DMD: variants seen among roughly 807,000 people sequenced by gnomAD.
DMD encodes the protein dystrophin.
DMD carries 63 observed loss-of-function variants against 330.1 expected under a neutral mutation model. The observed-to-expected ratio is 0.19, with a 90% CI of 0.16 to 0.24. DMD has a LOEUF of 0.24. Among genes scored for constraint, DMD ranks in the 10% least tolerant of loss-of-function variants. The pLI, the probability that DMD is intolerant of heterozygous loss-of-function variation, is 1.00. For missense variants in DMD, 3,344 were observed against 2,684.1 expected (o/e 1.25, Z -5.43); for synonymous variants, 1,223 against 959.8 (o/e 1.27, Z -5.07).
intron 7 of DMD, among the ~76,000 whole-genome samples, chrX:32,706,977 A>G (rs1569476608): frequency 9.1e-6 from 1 of 110,496 alleles, no homozygotes; most frequent in Non-Finnish European, 1.9e-5. Flanking sequence ...CTGTAATCCC[A>G]CCTACTCGGG....
At chrX:32,466,145 A>G (rs952257616) in intron 23 of DMD, among the ~76,000 whole-genome samples, 1 of 111,544 alleles carries the variant, frequency 9.0e-6, no homozygotes, top group Admixed American at 9.6e-5. Flanking sequence ...TGTAAAACAT[A>G]GCATCCAAGG....
intron 44 of DMD, among the ~76,000 whole-genome samples, chrX:32,028,010 AG>A (rs1483214585): frequency 1.8e-5 from 2 of 112,357 alleles, no homozygotes; most frequent in Admixed American, 9.4e-5. Context: ...AATAAATTGA[AG>A]GAGCAAGAAG....
chrX:32,085,615 T>TTTCTCTAGAAA (rs1569541138), intron 44 of DMD, among the ~76,000 whole-genome samples: 6 of 91,547 alleles, frequency 6.6e-5, no homozygotes, highest in African/African-American at 1.7e-4. Flanking sequence ...TGTATATATA[T>TTTCTCTAGAAA]ACGTATATAT....
At chrX:31,514,322 TTA>T (rs1163319928) in intron 55 of DMD, among the ~76,000 whole-genome samples, 1 of 111,737 alleles carries the variant, frequency 8.9e-6, no homozygotes, top group Non-Finnish European at 1.9e-5. Context: ...AAAAGTTCAG[TTA>T]TGAGACAAGC....
chrX:31,450,008 G>A (rs1440087947), intron 59 of DMD, among the ~76,000 whole-genome samples: 1 of 109,133 alleles, frequency 9.2e-6, no homozygotes, highest in African/African-American at 3.3e-5. Context: ...TACACGTGCA[G>A]AGAAATTTAT....
intron 1 of DMD, among the ~76,000 whole-genome samples, chrX:33,106,251 G>A (rs1395453978): frequency 9.0e-6 from 1 of 110,815 alleles, no homozygotes; most frequent in African/African-American, 3.3e-5. Context: ...AAGGCATACA[G>A]AGTGATATAA....
chrX:31,962,983 T>C (rs112082784), intron 45 of DMD, among the ~76,000 whole-genome samples: 4 of 111,976 alleles, frequency 3.6e-5, no homozygotes, highest in African/African-American at 9.7e-5. Flanking sequence ...TTTTAATTTG[T>C]AGGAAATAAG....
At chrX:32,138,693 T>A (rs35312286) in intron 44 of DMD, among the ~76,000 whole-genome samples, 8,937 of 111,707 alleles carry the variant, frequency 0.08, 386 homozygotes, top group African/African-American at 0.17. Flanking sequence ...GCACTTTACA[T>A]ATCTTGGCCA....
At chrX:33,234,340 A>G (rs1050853770) in intron 1 of DMD, among the ~76,000 whole-genome samples, 7 of 111,103 alleles carry the variant, frequency 6.3e-5, no homozygotes, top group Non-Finnish European at 1.3e-4. Context: ...TCTACCACTT[A>G]ATAGATGGGT....
intron 45 of DMD, among the ~76,000 whole-genome samples, chrX:31,966,427 G>T (rs1024365259): frequency 9.1e-6 from 1 of 109,648 alleles, no homozygotes; most frequent in African/African-American, 3.3e-5. Flanking sequence ...TGCCACAAAA[G>T]TGGTCTCAGT....
intron 5 of DMD, among the ~76,000 whole-genome samples, chrX:32,817,726 C>T (rs1475031611): frequency 9.0e-6 from 1 of 111,466 alleles, no homozygotes; most frequent in Non-Finnish European, 1.9e-5. Context: ...TTTATTTTTT[C>T]ATCCATATAG....
chrX:32,438,203 C>G (rs182192291), intron 29 of DMD, 38 bp downstream of exon 29: 19 of 1,193,181 alleles, frequency 1.6e-5, no homozygotes, highest in Non-Finnish European at 1.9e-5. Context: ...TACATTAATG[C>G]AAATTAGATT....
At chrX:33,214,494 C>T (rs2052016585), upstream of DMD, among the ~76,000 whole-genome samples, 1 of 111,534 alleles carries the variant, frequency 9.0e-6, no homozygotes, top group South Asian at 3.7e-4. Flanking sequence ...TAATTTATTT[C>T]ATCATACTCG....
At chrX:31,601,131 AG>A (rs1314011827) in intron 55 of DMD, among the ~76,000 whole-genome samples, 3 of 112,124 alleles carry the variant, frequency 2.7e-5, no homozygotes, top group Non-Finnish European at 3.8e-5. Context: ...GAAAGTTATC[AG>A]TAAACTGTAA....
At chrX:32,156,333 T>C (rs893984852) in intron 44 of DMD, among the ~76,000 whole-genome samples, 1 of 112,135 alleles carries the variant, frequency 8.9e-6, no homozygotes, top group Admixed American at 9.4e-5. Context: ...TGAGCCGAGA[T>C]TGCACCACTG....
At chrX:31,196,185 T>G (rs1236757123) in intron 67 of DMD, among the ~76,000 whole-genome samples, 1 of 111,827 alleles carries the variant, frequency 8.9e-6, no homozygotes, top group African/African-American at 3.3e-5. Context: ...AAGGGTCTTT[T>G]CTGAAAATTG....
chrX:32,874,113 G>A (rs933109573), intron 2 of DMD, among the ~76,000 whole-genome samples: 2 of 111,965 alleles, frequency 1.8e-5, no homozygotes, highest in African/African-American at 3.2e-5. Context: ...CACAGCAGCT[G>A]TCATACCAAA....
At chrX:32,980,368 CAAAAAAA>C (rs755016078) in intron 2 of DMD, among the ~76,000 whole-genome samples, 1,620 of 42,628 alleles carry the variant, frequency 0.038, 37 homozygotes, top group African/African-American at 0.13. Context: ...GACTCTGTCT[CAAAAAAA>C]AAAAAAAAAA....
intron 1 of DMD, among the ~76,000 whole-genome samples, chrX:33,041,967 A>G (rs759618715): frequency 9.9e-5 from 11 of 111,073 alleles, no homozygotes; most frequent in Non-Finnish European, 2.1e-4. Context: ...CCCCAACCCC[A>G]TCCCATCATA....
Sources: allele counts gnomAD v4.1 joint callset (sites outside exome capture counted in the v4.1 genomes callset), GRCh38; gene constraint gnomAD v4.1.1; transcripts MANE v1.5; gene names NCBI Gene and HGNC (gene_info 2026-07-23, HGNC 2026-07-21).